USP32: variants seen among roughly 807,000 people sequenced by gnomAD.
The protein encoded by USP32 is ubiquitin carboxyl-terminal hydrolase 32.
Under a neutral mutation model 204.8 loss-of-function variants are expected in USP32, and 59 were observed. The observed-to-expected ratio is 0.29, with a 90% CI of 0.23 to 0.36. USP32 has a LOEUF of 0.36. Ranked by LOEUF, USP32 falls within the 10% of genes least tolerant of loss-of-function variation. The pLI is 1.00. For synonymous variants in USP32, 517 were observed against 678.4 expected (o/e 0.76, Z 3.70); for missense variants, 1,160 against 1,946.4 (o/e 0.60, Z 7.60).
intron 4 of USP32, among the ~76,000 whole-genome samples, chr17:60,292,718 T>A (rs758420996): frequency 4.0e-5 from 6 of 151,700 alleles, no homozygotes; most frequent in Non-Finnish European, 5.9e-5. Context: ...ATTATTCAGA[T>A]ACCTCAATTG....
chr17:60,308,852 C>G (rs1258542337), intron 2 of USP32, among the ~76,000 whole-genome samples: 1 of 152,166 alleles, frequency 6.6e-6, no homozygotes, highest in Non-Finnish European at 1.5e-5. Flanking sequence ...TGCTCTAAAC[C>G]CAGGAGGCGG....
chr17:60,202,013 A>G (rs1241271379), intron 26 of USP32, among the ~76,000 whole-genome samples: 1 of 152,198 alleles, frequency 6.6e-6, no homozygotes, highest in Non-Finnish European at 1.5e-5. Flanking sequence ...GAGTAGCGTC[A>G]GGAATGTATT....
chr17:60,191,508 T>C (rs2084381139), intron 28 of USP32, among the ~76,000 whole-genome samples: 1 of 150,324 alleles, frequency 6.7e-6, no homozygotes, highest in Non-Finnish European at 1.5e-5. Context: ...GCCTACTTTA[T>C]TATTATTATT....
Position 60,271,412 on chromosome 17 carries a change from C to T in USP32, c.641G>A (p.Arg214Gln). The T allele has an allele frequency of 6.2e-7, 1 of 1,614,106 alleles. No individual in the cohort carries two copies. Among genetic ancestry groups the T allele is most frequent in the Non-Finnish European group, 8.5e-7 (1 of 1,180,002 alleles). The change falls in exon 6 of 34, where the codon CGA becomes CAA. Residue 214 changes from arginine to glutamine, a missense_variant. By Grantham distance (43) the Arg-to-Gln change is conservative. Coordinates refer to ENST00000300896, the MANE Select transcript of USP32 (RefSeq NM_032582.4). ...WLLKAQSRTG[R>Q]FDLETFGPLV... ...TGGGCCAAATGTCTCTAAATCAAAT[C>T]GTCCAGTCCGGGATTGAGCCTTCAA...
chr17:60,236,531 A>AT (rs770182944), intron 11 of USP32, among the ~76,000 whole-genome samples: 15 of 144,876 alleles, frequency 1.0e-4, no homozygotes, highest in Non-Finnish European at 1.6e-4. Flanking sequence ...AATTAATTAC[A>AT]TTTTTTGCAG....
At chr17:60,332,298 T>C (rs894991760) in intron 2 of USP32, among the ~76,000 whole-genome samples, 1 of 151,896 alleles carries the variant, frequency 6.6e-6, no homozygotes, top group Non-Finnish European at 1.5e-5. Context: ...CATGCATATA[T>C]ACCAATCACT....
intron 1 of USP32, among the ~76,000 whole-genome samples, chr17:60,383,495 C>T (rs1024317650): frequency 6.6e-6 from 1 of 152,148 alleles, no homozygotes; most frequent in African/African-American, 2.4e-5. Flanking sequence ...CAGCAACAGA[C>T]CTGACAATAA....
intron 2 of USP32, among the ~76,000 whole-genome samples, chr17:60,314,583 A>G (rs1436431527): frequency 6.6e-6 from 1 of 152,130 alleles, no homozygotes; most frequent in Non-Finnish European, 1.5e-5. Context: ...AAGGAGAGAA[A>G]ATAATCAGTC....
upstream of USP32, among the ~76,000 whole-genome samples, chr17:60,393,857 T>C (rs926433223): frequency 6.6e-6 from 1 of 152,102 alleles, no homozygotes; most frequent in Admixed American, 6.5e-5. Context: ...GCTAATTTTG[T>C]ATTTTCAGTA....
chr17:60,358,874 C>A (rs978498294), intron 1 of USP32, among the ~76,000 whole-genome samples: 1 of 152,176 alleles, frequency 6.6e-6, no homozygotes, highest in African/African-American at 2.4e-5. Flanking sequence ...ATGTCACTTG[C>A]CAAGATTGAG....
chr17:60,266,654 AAT>A (rs1491093966), intron 7 of USP32, among the ~76,000 whole-genome samples: 98 of 135,656 alleles, frequency 7.2e-4, no homozygotes, highest in South Asian at 1.4e-3. Context: ...ACACCCAGGT[AAT>A]TTTTTTTTTT....
At chr17:60,366,399 T>C (rs1188452898) in intron 1 of USP32, among the ~76,000 whole-genome samples, 1 of 151,980 alleles carries the variant, frequency 6.6e-6, no homozygotes, top group Non-Finnish European at 1.5e-5. Flanking sequence ...CCTCGTGATC[T>C]ACCTGCCTCG....
At chr17:60,197,839 A>G (rs1455284439) in intron 27 of USP32, among the ~76,000 whole-genome samples, 1 of 152,260 alleles carries the variant, frequency 6.6e-6, no homozygotes, top group Non-Finnish European at 1.5e-5. Context: ...ATGACATGGT[A>G]TGGAAATAAT....
At chr17:60,289,053 G>A (rs1227804024) in intron 4 of USP32, among the ~76,000 whole-genome samples, 1 of 152,188 alleles carries the variant, frequency 6.6e-6, no homozygotes, top group African/African-American at 2.4e-5. Context: ...TGTCGCCCAG[G>A]CTGGAGTGCA....
intron 9 of USP32, chr17:60,258,128 A>C (rs1016653487): frequency 1.9e-5 from 3 of 156,630 alleles, no homozygotes; most frequent in Admixed American, 6.6e-5. Context: ...TCAAAACCTG[A>C]GGGACTCTGA....
intron 15 of USP32, 47 bp downstream of exon 15, chr17:60,222,362 C>T: frequency 6.3e-7 from 1 of 1,577,290 alleles, no homozygotes; most frequent in Non-Finnish European, 8.6e-7. Context: ...ACAGAAGACC[C>T]CCATCTATGA....
chr17:60,238,089 T>G (rs1458480152), intron 11 of USP32, among the ~76,000 whole-genome samples: 3 of 152,226 alleles, frequency 2.0e-5, no homozygotes, highest in Admixed American at 6.5e-5. Context: ...TTAAAAATTC[T>G]AATAATCTTA....
chr17:60,294,834 T>C, intron 3 of USP32, 33 bp from the exon 4 acceptor site: 1 of 1,450,028 alleles, frequency 6.9e-7, no homozygotes, highest in Non-Finnish European at 9.6e-7. Context: ...AAATTAATCT[T>C]AACAAAGACC....
At chr17:60,249,821 C>T in intron 11 of USP32, 1 of 677,000 alleles carries the variant, frequency 1.5e-6, no homozygotes, top group Non-Finnish European at 2.7e-6. Context: ...TGGCTGAGAT[C>T]TTCACTCGGC....
Sources: allele counts gnomAD v4.1 joint callset (sites outside exome capture counted in the v4.1 genomes callset), GRCh38; gene constraint gnomAD v4.1.1; transcripts MANE v1.5; gene names NCBI Gene and HGNC (gene_info 2026-07-23, HGNC 2026-07-21).